The following ARFGEF3 variants were observed in gnomAD, a reference collection of about 807,000 sequenced individuals.
ARFGEF3 encodes brefeldin A-inhibited guanine nucleotide-exchange protein 3.
In ARFGEF3, 96 loss-of-function variants were observed where a neutral mutation model predicts 221.7. The observed-to-expected ratio is 0.43, with a 90% CI of 0.37 to 0.51. The LOEUF (loss-of-function observed/expected upper bound fraction) is 0.51, where lower values mean the gene tolerates loss of function less well. Among genes scored for constraint, ARFGEF3 ranks in the 20% least tolerant of loss-of-function variants. The pLI, the probability that ARFGEF3 is intolerant of heterozygous loss-of-function variation, is 0.00. For synonymous variants in ARFGEF3, 1,145 were observed against 1,126.8 expected (o/e 1.02, Z -0.32); for missense variants, 2,410 against 2,789.9 (o/e 0.86, Z 3.07).
At position 138,291,882 on chromosome 6, in the gene ARFGEF3, G is replaced by T. The variant is rs771505765; in HGVS notation, c.3197G>T (p.Ser1066Ile). 6.7e-7 allele frequency: 1 copy of T among 1,498,798 alleles called. No individual in the cohort carries two copies. 92.8% of individuals were successfully genotyped at this position (1,498,798 alleles called of 1,614,324 possible). The change falls in exon 19 of 34, where the codon AGC becomes ATC. Residue 1066 changes from serine (S) to isoleucine (I), a missense_variant. Ser to Ile is a moderately radical substitution (Grantham distance 142). Coordinates refer to ENST00000251691, the MANE Select transcript of ARFGEF3 (RefSeq NM_020340.5). This position sits in a 1 kb window ranked among gnomAD's most constrained non-coding sequence, Gnocchi z 4.5. Reference protein sequence around the residue: ...PECEGSPPEHSPEQGRSLSTA... With the variant: ...PECEGSPPEHIPEQGRSLSTA... ...TGTGAGGGCTCGCCCCCCGAGCACA[G>T]CCCGGAGCAGGGGCGCTCCCTGAGC...
chr6:138,296,308 T>C (rs1442561907), intron 20 of ARFGEF3, among the ~76,000 whole-genome samples: 1 of 152,156 alleles, frequency 6.6e-6, no homozygotes, highest in Non-Finnish European at 1.5e-5. Context: ...ACAAGAGTAA[T>C]AATAATAGCT....
intron 24 of ARFGEF3, among the ~76,000 whole-genome samples, chr6:138,310,044 C>T (rs1583061011): frequency 6.6e-6 from 1 of 152,284 alleles, no homozygotes; most frequent in South Asian, 2.1e-4. Context: ...ACATTGAAAA[C>T]AGCCTGTGTT....
intron 2 of ARFGEF3, among the ~76,000 whole-genome samples, chr6:138,173,250 G>A (rs1582994110): frequency 6.6e-6 from 1 of 151,978 alleles, no homozygotes. Flanking sequence ...AATAATTCAA[G>A]TATTCCAGAA....
rs112620767 is a variant in ARFGEF3, at chr6:138,182,982, G to A, written c.137+12269G>A. On this transcript the variant is annotated intron_variant, in intron 2 of 33. Coordinates refer to ENST00000251691, the MANE Select transcript of ARFGEF3 (RefSeq NM_020340.5). Reference sequence around the variant, plus strand: ...TTCCTGAAACTATAACTGCCCCATGGTGTGCTTTATTTTATAAATCCTATT... The same window carrying A: ...TTCCTGAAACTATAACTGCCCCATGATGTGCTTTATTTTATAAATCCTATT... 6.5e-3 allele frequency among the ~76,000 whole-genome samples: 987 copies of A among 152,274 alleles called. 10 individuals carry two copies. Among genetic ancestry groups the A allele is most frequent in the African/African-American group, 0.022 (918 of 41,554 alleles).
chr6:138,177,380 A>G (rs1222492230), intron 2 of ARFGEF3, among the ~76,000 whole-genome samples: 1 of 152,064 alleles, frequency 6.6e-6, no homozygotes, highest in Non-Finnish European at 1.5e-5. Flanking sequence ...CAGCTTCCCA[A>G]AATGCTGGGA....
At chr6:138,260,136 AAG>A (rs1778761181) in intron 10 of ARFGEF3, among the ~76,000 whole-genome samples, 1 of 152,128 alleles carries the variant, frequency 6.6e-6, no homozygotes, top group Admixed American at 6.5e-5. Flanking sequence ...GAGAGAGGGA[AAG>A]AGAGAGCCTG....
At position 138,313,821 on chromosome 6, in the gene ARFGEF3, C is replaced by G; in HGVS notation, c.4227C>G (p.Pro1409=). The change falls in exon 26 of 34, where the codon CCC becomes CCG. Residue 1409 remains proline, a synonymous_variant. Transcript: ENST00000251691. The stretch of plus-strand genomic sequence containing the variant: ...TATTGGCCAAAATCTACAAAATGCC[C>G]TTGAAGCCAATATTCCTTAGTGGGA... The part of the protein sequence containing the change: ...SQLLAKIYKM[P]LKPIFLSGRL... The G allele has an allele frequency of 6.2e-7, 1 of 1,613,846 alleles. No individual in the cohort carries two copies. The highest frequency in any genetic ancestry group is 8.5e-7 in the Non-Finnish European group (1 of 1,179,828).
chr6:138,172,931 T>C (rs1776868157), intron 2 of ARFGEF3, among the ~76,000 whole-genome samples: 1 of 152,212 alleles, frequency 6.6e-6, no homozygotes, highest in African/African-American at 2.4e-5. Context: ...TTGCTTACAA[T>C]TGAACATTTT....
At position 138,334,375 on chromosome 6, in the gene ARFGEF3, GGAC is replaced by G. The variant is rs1431810741; in HGVS notation, c.5535_5537del (p.Asp1845del). The G allele has an allele frequency of 3.1e-6, 5 of 1,613,428 alleles. No homozygotes were observed. The African/African-American group carries it at 4.0e-5, about 13-fold the overall frequency. ...AGCAAGTGAAGAAGGTCCTTTTTGA[GGAC>G]GACGAGAGAAGCACGGATTCTTCCC... On this transcript the variant is annotated inframe_deletion, in exon 33 of 34. Transcript: ENST00000251691. This position sits in a 1 kb window ranked among gnomAD's most constrained non-coding sequence, Gnocchi z 5.1.
intron 4 of ARFGEF3, among the ~76,000 whole-genome samples, chr6:138,226,133 C>T (rs1202679583): frequency 2.6e-5 from 4 of 152,142 alleles, no homozygotes; most frequent in African/African-American, 7.2e-5. Flanking sequence ...GAGAAACCCC[C>T]GATCATGACC....
At chr6:138,253,686 G>A (rs538451294) in intron 8 of ARFGEF3, among the ~76,000 whole-genome samples, 194 bp from the exon 9 acceptor site, 9 of 152,294 alleles carry the variant, frequency 5.9e-5, no homozygotes, top group South Asian at 4.1e-4. Context: ...AGTCACATTC[G>A]GAGGTGCTGG....
At chr6:138,245,902 A>G (rs375976599) in intron 8 of ARFGEF3, among the ~76,000 whole-genome samples, 2 of 152,232 alleles carry the variant, frequency 1.3e-5, no homozygotes, top group African/African-American at 4.8e-5. Flanking sequence ...GCTGGTTGGT[A>G]TGAGAGCCAG....
chr6:138,317,395 T>C lies in ARFGEF3; in HGVS notation c.4474+16T>C, dbSNP rs1269467671. The stretch of plus-strand genomic sequence containing the variant: ...AAAACACCAGGTAAATATTTCTGTG[T>C]CCGTCTTTTGGGGGAGTGGTTATAC... On this transcript the variant is annotated intron_variant, in intron 27 of 33. Coordinates refer to ENST00000251691, the MANE Select transcript of ARFGEF3 (RefSeq NM_020340.5). 1.2e-6 allele frequency: 2 copies of C among 1,613,764 alleles called. No homozygotes were observed. Among genetic ancestry groups the C allele is most frequent in the Admixed American group, 1.7e-5 (1 of 59,972 alleles).
chr6:138,206,249 C>T (rs1284734539), intron 2 of ARFGEF3, among the ~76,000 whole-genome samples: 1 of 152,032 alleles, frequency 6.6e-6, no homozygotes, highest in Non-Finnish European at 1.5e-5. Flanking sequence ...ATGCTTCTAA[C>T]AGACATTTTT....
At chr6:138,173,291 A>G (rs1253586276) in intron 2 of ARFGEF3, among the ~76,000 whole-genome samples, 1 of 152,224 alleles carries the variant, frequency 6.6e-6, no homozygotes, top group Non-Finnish European at 1.5e-5. Context: ...ATTATGATGA[A>G]AAAATTTGAA....
At chr6:138,170,081 G>C (rs1026602316) in intron 1 of ARFGEF3, among the ~76,000 whole-genome samples, 2 of 152,218 alleles carry the variant, frequency 1.3e-5, no homozygotes, top group African/African-American at 2.4e-5. Context: ...GGCAGCAATA[G>C]TGTGAAAAAT....
intron 17 of ARFGEF3, 88 bp from the exon 18 acceptor site, chr6:138,289,730 G>C: frequency 7.2e-7 from 1 of 1,385,618 alleles, no homozygotes; most frequent in Non-Finnish European, 1.0e-6. Context: ...TTTCCCTTTT[G>C]CCCTTGCATG....
intron 2 of ARFGEF3, among the ~76,000 whole-genome samples, chr6:138,190,778 T>C (rs1777289902): frequency 6.6e-6 from 1 of 152,174 alleles, no homozygotes; most frequent in East Asian, 1.9e-4. Context: ...GTGAAGAACA[T>C]AGGAAAACTG....
intron 3 of ARFGEF3, 65 bp from the exon 4 acceptor site, chr6:138,209,845 G>C: frequency 6.3e-7 from 1 of 1,581,234 alleles, no homozygotes; most frequent in African/African-American, 1.3e-5. Flanking sequence ...TCCATAATAA[G>C]ATACAACCAA....
Sources: allele counts gnomAD v4.1 joint callset (sites outside exome capture counted in the v4.1 genomes callset), GRCh38; gene constraint gnomAD v4.1.1; non-coding constraint Gnocchi (gnomAD v3.1); transcripts MANE v1.5; gene names NCBI Gene and HGNC (gene_info 2026-07-23, HGNC 2026-07-21).